The following SETD2 variants were observed in gnomAD, a reference collection of about 807,000 sequenced individuals.
SETD2 encodes histone-lysine N-methyltransferase SETD2.
SETD2 carries 31 observed loss-of-function variants against 242.1 expected under a neutral mutation model. The observed-to-expected ratio is 0.13, with a 90% CI of 0.10 to 0.17. SETD2 has a LOEUF of 0.17. SETD2 is among the 10% of genes least tolerant of loss of function. The pLI is 1.00. For missense variants in SETD2, 2,481 were observed against 3,046.3 expected (o/e 0.81, Z 4.37); for synonymous variants, 1,006 against 1,066.5 (o/e 0.94, Z 1.11).
intron 15 of SETD2, among the ~76,000 whole-genome samples, chr3:47,052,080 T>C (rs2039870651): frequency 6.6e-6 from 1 of 152,228 alleles, no homozygotes; most frequent in Non-Finnish European, 1.5e-5. Context: ...ACTGGAATAA[T>C]GCAGAAGATA....
intron 18 of SETD2, among the ~76,000 whole-genome samples, chr3:47,030,188 G>T (rs1445560088): frequency 1.3e-5 from 2 of 151,810 alleles, no homozygotes; most frequent in African/African-American, 2.4e-5. Context: ...AAAATACAAT[G>T]AAGTGAAAGG....
intron 9 of SETD2, among the ~76,000 whole-genome samples, chr3:47,092,468 G>A (rs1405775327): frequency 4.0e-5 from 6 of 150,304 alleles, no homozygotes; most frequent in Admixed American, 2.0e-4. Context: ...AATGATTAGG[G>A]TGTATTTTTA....
chr3:47,142,102 T>C (rs1281053130), intron 1 of SETD2, among the ~76,000 whole-genome samples: 1 of 152,194 alleles, frequency 6.6e-6, no homozygotes, highest in African/African-American at 2.4e-5. Flanking sequence ...CAAAAGGCTA[T>C]CTGTGTGCTA....
intron 12 of SETD2, among the ~76,000 whole-genome samples, chr3:47,069,408 T>C (rs1489794531): frequency 6.6e-6 from 1 of 152,192 alleles, no homozygotes; most frequent in Non-Finnish European, 1.5e-5. Flanking sequence ...ACCCTGGTTG[T>C]ACAATTAAAC....
chr3:47,154,897 G>A (rs1559770167), intron 1 of SETD2, among the ~76,000 whole-genome samples: 1 of 152,124 alleles, frequency 6.6e-6, no homozygotes, highest in Non-Finnish European at 1.5e-5. Flanking sequence ...CGGAGGCTGA[G>A]GCAGGAGAAT....
chr3:47,126,612 T>A, intron 2 of SETD2, 36 bp downstream of exon 2: 1 of 1,145,474 alleles, frequency 8.7e-7, no homozygotes, highest in Non-Finnish European at 1.3e-6. Flanking sequence ...GTGGTCCATC[T>A]CATAATCATT....
intron 18 of SETD2, among the ~76,000 whole-genome samples, chr3:47,031,589 A>G (rs1331149078): frequency 6.6e-6 from 1 of 152,228 alleles, no homozygotes; most frequent in African/African-American, 2.4e-5. Context: ...TCAAATCTAC[A>G]TGAGAGAATG....
At chr3:47,034,186 A>G (rs1460126277) in intron 18 of SETD2, among the ~76,000 whole-genome samples, 1 of 152,222 alleles carries the variant, frequency 6.6e-6, no homozygotes, top group African/African-American at 2.4e-5. Context: ...ACAATGGCAG[A>G]AAAGAATAAA....
At chr3:47,066,765 A>T (rs1458444375) in intron 13 of SETD2, among the ~76,000 whole-genome samples, 1 of 148,832 alleles carries the variant, frequency 6.7e-6, no homozygotes, top group African/African-American at 2.4e-5. Flanking sequence ...ATAATAAAAG[A>T]AAAAAAGACT....
At position 47,120,597 on chromosome 3, in the gene SETD2, A is replaced by G. The variant is rs2107743429; in HGVS notation, c.4039T>C (p.Ser1347Pro). The G allele has an allele frequency of 6.2e-7, 1 of 1,614,104 alleles. No individual in the cohort carries two copies. The highest frequency in any genetic ancestry group is 1.1e-5 in the South Asian group (1 of 91,076). The change falls in exon 3 of 21, where the codon TCC (serine) becomes CCC (proline). Residue 1347 changes from serine to proline, a missense_variant. By Grantham distance (74) the Ser-to-Pro change is moderately conservative. This residue lies in a region of SETD2 where 1,300 missense variants were observed against 1,259.2 expected (regional missense o/e 1.03). Transcript: ENST00000409792. ...TTATCGGACTGGTCTGAAAAATGGG[A>G]TCCATCCTGTTGATCCCAATTCTCC... is the stretch of plus-strand genomic sequence containing the variant. The part of the protein sequence containing the change: ...EEENWDQQDG[S>P]HFSDQSDKFL...
chr3:47,098,170 A>G, intron 8 of SETD2, 89 bp from the exon 9 acceptor site: 3 of 1,282,384 alleles, frequency 2.3e-6, no homozygotes, highest in Non-Finnish European at 3.2e-6. Flanking sequence ...ATACCAGTCT[A>G]AACAAAATCA....
Position 47,040,066 on chromosome 3 carries a change from T to C in SETD2, c.7239-2289A>G, listed in dbSNP as rs2039209492. On this transcript the variant is annotated intron_variant, in intron 17 of 20. Transcript: ENST00000409792. ...ATCTCAGCTAACTGCAACCTCTGCC[T>C]CCAGGGTTCAAGTAATTCTCCCGCC... Among the ~76,000 whole-genome samples, 3 of 151,806 alleles carry C rather than the reference T, an allele frequency of 2.0e-5. 1 individual carries two copies. The South Asian group carries it at 6.3e-4, about 32-fold the overall frequency.
chr3:47,066,857 G>T (rs960644277), intron 13 of SETD2: 12 of 409,040 alleles, frequency 2.9e-5, no homozygotes, highest in Non-Finnish European at 5.2e-5. Context: ...CAAGGAAAGC[G>T]ACAACAAAAC....
chr3:47,137,377 G>C (rs1415195248), intron 1 of SETD2, among the ~76,000 whole-genome samples: 1 of 151,556 alleles, frequency 6.6e-6, no homozygotes, highest in Non-Finnish European at 1.5e-5. Context: ...ATTTTTAGTA[G>C]AGATGGGGTT....
intron 14 of SETD2, among the ~76,000 whole-genome samples, chr3:47,058,715 C>T (rs934463423): frequency 6.6e-6 from 1 of 151,616 alleles, no homozygotes; most frequent in African/African-American, 2.4e-5. Flanking sequence ...ATGGAGAAGA[C>T]AAAACCAGAG....
At chr3:47,129,768 C>T (rs2106754477) in intron 1 of SETD2, among the ~76,000 whole-genome samples, 1 of 152,138 alleles carries the variant, frequency 6.6e-6, no homozygotes, top group East Asian at 1.9e-4. Context: ...GCCTGTAATC[C>T]CAGCTACTTG....
rs10536067 is a variant in SETD2 at position 47,037,059 on chromosome 3, C to CTT, written c.7350+605_7350+606dup. Among the ~76,000 whole-genome samples the CTT allele has an allele frequency of 1.7e-4, 12 of 71,730 alleles. No homozygotes were observed. The South Asian group carries it at 2.1e-3, about 13-fold the overall frequency. 47.1% of individuals were successfully genotyped at this position (71,730 alleles called of 152,430 possible). On this transcript the variant is annotated intron_variant, in intron 18 of 20. Transcript: ENST00000409792. ...CTCTCAATGTCTAAAAAAGGCCATT[C>CTT]TTTTTTTTTTTTTTTTTTTTTTTTT...
chr3:47,066,531 T>A (rs1198188167), intron 13 of SETD2, among the ~76,000 whole-genome samples: 1 of 152,140 alleles, frequency 6.6e-6, no homozygotes, highest in Non-Finnish European at 1.5e-5. Flanking sequence ...GTATTTTTTG[T>A]AGAGACAGGG....
chr3:47,139,427 A>G (rs1283044746), intron 1 of SETD2, among the ~76,000 whole-genome samples: 1 of 152,180 alleles, frequency 6.6e-6, no homozygotes, highest in Non-Finnish European at 1.5e-5. Flanking sequence ...ACTTGCATTT[A>G]TTGTTCTTGT....
Sources: gnomAD v4.1 joint callset for allele counts (sites outside exome capture counted in the v4.1 genomes callset) on GRCh38, gnomAD v4.1.1 for gene constraint, gnomAD v4.1.1 regional missense constraint, MANE v1.5 for transcripts, NCBI Gene and HGNC (gene_info 2026-07-23, HGNC 2026-07-21) for gene names.